NMNAT2: variants seen among roughly 807,000 people sequenced by gnomAD.
The protein encoded by NMNAT2 is nicotinamide/nicotinic acid mononucleotide adenylyltransferase 2.
NMNAT2 carries 11 observed loss-of-function variants against 41.6 expected under a neutral mutation model. The observed-to-expected ratio is 0.26, with a 90% CI of 0.17 to 0.44. The LOEUF (loss-of-function observed/expected upper bound fraction) is 0.44. Among genes scored for constraint, NMNAT2 ranks in the 20% least tolerant of loss-of-function variants. NMNAT2 has a pLI of 1.00. For missense variants in NMNAT2, 288 were observed against 407.7 expected (o/e 0.71, Z 2.53); for synonymous variants, 148 against 151.2 (o/e 0.98, Z 0.16).
At chr1:183,348,297 T>A (rs987743865) in intron 1 of NMNAT2, among the ~76,000 whole-genome samples, 1 of 152,190 alleles carries the variant, frequency 6.6e-6, no homozygotes, top group Admixed American at 6.5e-5. Context: ...TCCACAAGCA[T>A]GAGTATGTAA....
At chr1:183,332,660 C>T (rs758482410) in intron 1 of NMNAT2, among the ~76,000 whole-genome samples, 5 of 152,104 alleles carry the variant, frequency 3.3e-5, no homozygotes, top group Non-Finnish European at 7.4e-5. Flanking sequence ...GCCAAAAAGA[C>T]GCTTGCCTGC....
chr1:183,369,263 C>T (rs1252631950), intron 1 of NMNAT2, among the ~76,000 whole-genome samples: 3 of 140,082 alleles, frequency 2.1e-5, no homozygotes, highest in African/African-American at 2.7e-5. Flanking sequence ...CTTTTCTTTT[C>T]TTTTTTTTTT....
intron 8 of NMNAT2, among the ~76,000 whole-genome samples, chr1:183,266,440 C>T (rs1371218341): frequency 1.3e-5 from 2 of 152,158 alleles, no homozygotes; most frequent in Non-Finnish European, 2.9e-5. Flanking sequence ...ACCCCTTAAG[C>T]CTAAATTCTC....
chr1:183,314,812 G>A (rs1662205060), intron 1 of NMNAT2, among the ~76,000 whole-genome samples: 1 of 152,168 alleles, frequency 6.6e-6, no homozygotes, highest in African/African-American at 2.4e-5. Flanking sequence ...CCAGGAGTTT[G>A]AAATTACAGT....
chr1:183,352,086 C>T (rs1475673103), intron 1 of NMNAT2, among the ~76,000 whole-genome samples: 4 of 152,110 alleles, frequency 2.6e-5, no homozygotes, highest in African/African-American at 9.7e-5. Flanking sequence ...GTTCAGGGCA[C>T]CTGAGCATTC....
At chr1:183,383,794 A>T (rs1489530473) in intron 1 of NMNAT2, among the ~76,000 whole-genome samples, 2 of 152,184 alleles carry the variant, frequency 1.3e-5, no homozygotes, top group East Asian at 3.9e-4. Context: ...GACTTCACTG[A>T]CTGTATCACT....
At chr1:183,353,582 C>T (rs531226880) in intron 1 of NMNAT2, among the ~76,000 whole-genome samples, 9 of 152,234 alleles carry the variant, frequency 5.9e-5, no homozygotes, top group South Asian at 4.2e-4. Context: ...TATCCTGAGA[C>T]CACATCACCA....
intron 1 of NMNAT2, among the ~76,000 whole-genome samples, chr1:183,366,270 A>G (rs1663407907): frequency 6.6e-6 from 1 of 152,150 alleles, no homozygotes; most frequent in South Asian, 2.1e-4. Flanking sequence ...TGGGCAAATC[A>G]CTTCACCTCT....
chr1:183,288,287 C>T (rs1445241904), intron 4 of NMNAT2, among the ~76,000 whole-genome samples: 9 of 152,188 alleles, frequency 5.9e-5, no homozygotes, highest in Admixed American at 5.2e-4. Flanking sequence ...GGAGAGTTGT[C>T]CCAAGTCACC....
intron 1 of NMNAT2, among the ~76,000 whole-genome samples, chr1:183,379,658 T>C (rs1663760756): frequency 6.6e-6 from 1 of 152,120 alleles, no homozygotes; most frequent in Non-Finnish European, 1.5e-5. Context: ...AAACAAAGTA[T>C]TCAAGTCACC....
intron 1 of NMNAT2, among the ~76,000 whole-genome samples, chr1:183,379,500 T>C (rs969860905): frequency 2.6e-5 from 4 of 152,062 alleles, no homozygotes; most frequent in African/African-American, 9.7e-5. Context: ...ACTTTTAATA[T>C]AAAGATATAG....
chr1:183,366,783 C>T (rs1401243995), intron 1 of NMNAT2, among the ~76,000 whole-genome samples: 1 of 152,074 alleles, frequency 6.6e-6, no homozygotes, highest in Non-Finnish European at 1.5e-5. Flanking sequence ...ATGACAATTG[C>T]AGGAGGGAAT....
At chr1:183,257,397 C>A (rs796374593) in intron 10 of NMNAT2, among the ~76,000 whole-genome samples, 1 of 152,046 alleles carries the variant, frequency 6.6e-6, no homozygotes, top group Non-Finnish European at 1.5e-5. Context: ...GCCAAGATCA[C>A]GCTATTGCAC....
chr1:183,396,165 G>A (rs1332013930), intron 1 of NMNAT2, among the ~76,000 whole-genome samples: 2 of 152,126 alleles, frequency 1.3e-5, no homozygotes, highest in South Asian at 2.1e-4. Flanking sequence ...TGCCAGAGGA[G>A]GCTATCTTCT....
intron 1 of NMNAT2, among the ~76,000 whole-genome samples, chr1:183,335,794 C>A (rs1418432126): frequency 6.6e-6 from 1 of 152,168 alleles, no homozygotes; most frequent in Non-Finnish European, 1.5e-5. Flanking sequence ...AAGTCAGGAT[C>A]ATGTCTAATA....
rs1660400622 is a variant in NMNAT2, at chr1:183,252,058, G to A, written c.*583C>T. On this transcript the variant is annotated 3_prime_UTR_variant, in exon 11 of 11. Coordinates refer to ENST00000287713, the MANE Select transcript of NMNAT2 (RefSeq NM_015039.4). ...GCTACAATGTCCTATCAGAGGGGAAGTAATACCACAGGAGCACATCAAGAC... is the reference window on the plus strand; with the variant it reads ...GCTACAATGTCCTATCAGAGGGGAAATAATACCACAGGAGCACATCAAGAC... 2 of 153,752 alleles carry A rather than the reference G, an allele frequency of 1.3e-5. No individual in the cohort carries two copies. The highest frequency in any genetic ancestry group is 4.8e-5 in the African/African-American group (2 of 41,440). The allele number at this position is 153,752 out of a possible 1,614,324, so 9.5% of individuals were successfully genotyped here.
chr1:183,324,638 CT>C, intron 1 of NMNAT2, among the ~76,000 whole-genome samples: 1 of 152,302 alleles, frequency 6.6e-6, no homozygotes, highest in East Asian at 1.9e-4. Flanking sequence ...TGCTTTCACA[CT>C]TGCTCTCCAT....
chr1:183,312,048 C>A (rs1033807625), intron 1 of NMNAT2, among the ~76,000 whole-genome samples: 3 of 152,094 alleles, frequency 2.0e-5, no homozygotes, highest in Non-Finnish European at 4.4e-5. Flanking sequence ...AATTGTGAGG[C>A]CTCCCCAGCC....
intron 1 of NMNAT2, among the ~76,000 whole-genome samples, chr1:183,309,519 AC>A (rs1404823090): frequency 1.3e-5 from 2 of 152,224 alleles, no homozygotes; most frequent in African/African-American, 4.8e-5. Flanking sequence ...GTGTTTGATA[AC>A]TATGATATTA....
Sources: gnomAD v4.1 joint callset for allele counts (sites outside exome capture counted in the v4.1 genomes callset) on GRCh38, gnomAD v4.1.1 for gene constraint, MANE v1.5 for transcripts, NCBI Gene and HGNC (gene_info 2026-07-23, HGNC 2026-07-21) for gene names.